Variants in GARIN2 observed in about 807,000 individuals in gnomAD.
GARIN2 encodes Golgi-associated RAB2 interactor protein 2.
the GARIN2 span, chr14:67,204,695 T>A: frequency 6.2e-7 from 1 of 1,613,940 alleles, no homozygotes; most frequent in Non-Finnish European, 8.5e-7. Flanking sequence ...CTCATCTCCC[T>A]CTTGAATCAG....
the GARIN2 span, among the ~76,000 whole-genome samples, chr14:67,206,107 C>G: frequency 6.6e-6 from 1 of 152,074 alleles, no homozygotes; most frequent in African/African-American, 2.4e-5. Flanking sequence ...TTACTTGACC[C>G]TTGGAGGCAG....
chr14:67,225,280 A>G, the GARIN2 span: 1 of 1,464,712 alleles, frequency 6.8e-7, no homozygotes, highest in Non-Finnish European at 9.0e-7. Flanking sequence ...CTTTTTAATT[A>G]TAAGTCTCTA....
At chr14:67,226,772 T>G in the GARIN2 span, among the ~76,000 whole-genome samples, 1 of 152,176 alleles carries the variant, frequency 6.6e-6, no homozygotes, top group African/African-American at 2.4e-5. Flanking sequence ...ACTCCATAAT[T>G]CCCTGGCCTC....
chr14:67,225,033 CCTG>C, the GARIN2 span: 6 of 1,269,016 alleles, frequency 4.7e-6, no homozygotes, highest in Admixed American at 1.8e-4. Context: ...TTTTTTTCCT[CCTG>C]CTTTTGGCTT....
At chr14:67,196,501 C>T in the GARIN2 span, among the ~76,000 whole-genome samples, 98 of 152,196 alleles carry the variant, frequency 6.4e-4, 4 homozygotes, top group South Asian at 0.02. Context: ...GGATTATAGG[C>T]GTGAGCTACT....
At chr14:67,203,344 C>A in the GARIN2 span, 1 of 1,415,524 alleles carries the variant, frequency 7.1e-7, no homozygotes, top group Non-Finnish European at 9.5e-7. Context: ...TGTGCATTAG[C>A]CCTGTGGATC....
the GARIN2 span, chr14:67,205,184 A>G: frequency 5.5e-6 from 7 of 1,263,546 alleles, no homozygotes; most frequent in East Asian, 1.8e-4. Flanking sequence ...GATTATCAAA[A>G]TGCTATGGAA....
the GARIN2 span, among the ~76,000 whole-genome samples, chr14:67,219,479 G>C: frequency 2.6e-5 from 4 of 152,178 alleles, no homozygotes; most frequent in African/African-American, 9.7e-5. Context: ...TCTTGTGGGA[G>C]AAGGATGAAT....
At chr14:67,214,880 A>C in the GARIN2 span, among the ~76,000 whole-genome samples, 2 of 152,064 alleles carry the variant, frequency 1.3e-5, no homozygotes, top group Non-Finnish European at 2.9e-5. Context: ...GAGGTCCTTC[A>C]CATCCCTTGT....
At chr14:67,211,715 G>A in the GARIN2 span, among the ~76,000 whole-genome samples, 1 of 152,026 alleles carries the variant, frequency 6.6e-6, no homozygotes, top group African/African-American at 2.4e-5. Context: ...TACCATCCTG[G>A]GCAACTTAAC....
At chr14:67,193,730 C>T in the GARIN2 span, among the ~76,000 whole-genome samples, 1 of 147,820 alleles carries the variant, frequency 6.8e-6, no homozygotes, top group South Asian at 2.1e-4. Flanking sequence ...ATCACTTGAG[C>T]CCAGGAGTTT....
the GARIN2 span, chr14:67,200,091 T>C: frequency 3.0e-6 from 3 of 1,011,834 alleles, no homozygotes; most frequent in South Asian, 3.1e-5. Context: ...TGCCTTATCC[T>C]GGACCTCCTC....
At chr14:67,200,779 C>G in the GARIN2 span, among the ~76,000 whole-genome samples, 1 of 152,072 alleles carries the variant, frequency 6.6e-6, no homozygotes, top group Non-Finnish European at 1.5e-5. Flanking sequence ...ATTTTTTCAC[C>G]TTTCATCCTG....
chr14:67,218,114 G>T, the GARIN2 span, among the ~76,000 whole-genome samples: 228 of 152,252 alleles, frequency 1.5e-3, 1 homozygote, highest in African/African-American at 5.4e-3. Context: ...CCAGGGGTAG[G>T]CTCACCAGGC....
At chr14:67,208,583 G>A in the GARIN2 span, 5 of 983,816 alleles carry the variant, frequency 5.1e-6, no homozygotes, top group African/African-American at 1.6e-5. Context: ...ACTGAATGAT[G>A]ATATAGTCAA....
the GARIN2 span, among the ~76,000 whole-genome samples, chr14:67,192,765 T>C: frequency 6.7e-6 from 1 of 149,332 alleles, no homozygotes; most frequent in Non-Finnish European, 1.5e-5. Context: ...ACACATATTT[T>C]AACATATATT....
chr14:67,198,090 T>C, the GARIN2 span: 1 of 1,530,232 alleles, frequency 6.5e-7, no homozygotes, highest in Non-Finnish European at 8.8e-7. Context: ...TTAATTATGA[T>C]ATTAAATTCT....
chr14:67,208,595 T>A, the GARIN2 span: 1 of 907,022 alleles, frequency 1.1e-6, no homozygotes, highest in Non-Finnish European at 1.6e-6. Context: ...TATAGTCAAC[T>A]CTGAATGACC....
At chr14:67,198,135 GT>G in the GARIN2 span, 1 of 1,595,360 alleles carries the variant, frequency 6.3e-7, no homozygotes. Flanking sequence ...CATTCCCTCA[GT>G]TTTTTTATGT....
Sources: allele counts gnomAD v4.1 joint callset (sites outside exome capture counted in the v4.1 genomes callset), GRCh38; gene constraint gnomAD v4.1.1; transcripts MANE v1.5; gene names NCBI Gene and HGNC (gene_info 2026-07-23, HGNC 2026-07-21).